The following ERC2 variants were observed in gnomAD, a reference collection of about 807,000 sequenced individuals.
ERC2 encodes the protein ERC protein 2.
In ERC2, 42 loss-of-function variants were observed where a neutral mutation model predicts 114.8. That is an observed-to-expected ratio of 0.37 (90% CI 0.29 to 0.47). The LOEUF is 0.47. Among genes scored for constraint, ERC2 ranks in the 20% least tolerant of loss-of-function variants. The pLI is 0.99. For synonymous variants in ERC2, 454 were observed against 425.5 expected, an observed-to-expected ratio of 1.07 and a Z score of -0.82; for missense variants, 939 against 1,150.7, an observed-to-expected ratio of 0.82 and a Z score of 2.66.
intron 5 of ERC2, among the ~76,000 whole-genome samples, chr3:56,146,157 G>A (rs2081120543): frequency 2.0e-5 from 3 of 152,010 alleles, no homozygotes; most frequent in South Asian, 2.1e-4. Flanking sequence ...GCATGGTGGT[G>A]TGCACCTGTA....
At chr3:56,029,337 CT>C (rs1384019001) in intron 7 of ERC2, among the ~76,000 whole-genome samples, 1 of 151,426 alleles carries the variant, frequency 6.6e-6, no homozygotes, top group Non-Finnish European at 1.5e-5. Context: ...CAAAGAGTTA[CT>C]GCCATCATAA....
Position 55,835,791 on chromosome 3 carries a change from T to C in ERC2, c.2564+52598A>G, listed in dbSNP as rs1452792313. Among the ~76,000 whole-genome samples the C allele has an allele frequency of 6.6e-5, 10 of 152,086 alleles. No individual in the cohort carries two copies. The South Asian group carries it at 2.1e-3, about 32-fold the overall frequency. On this transcript the variant is annotated intron_variant, in intron 14 of 17. Transcript: ENST00000288221. ...GAGAAGGAAATAAAGGGTATTCAAT[T>C]AGGAAAAGAGGAAGTCAGATTGTCC...
intron 14 of ERC2, among the ~76,000 whole-genome samples, chr3:55,820,500 A>G (rs1025730171): frequency 1.3e-5 from 2 of 152,226 alleles, no homozygotes; most frequent in Non-Finnish European, 2.9e-5. Context: ...CAAAATTTTA[A>G]TAACAACACT....
intron 17 of ERC2, among the ~76,000 whole-genome samples, chr3:55,633,713 G>A (rs1291255565): frequency 6.6e-6 from 1 of 152,190 alleles, no homozygotes; most frequent in African/African-American, 2.4e-5. Context: ...TGGGTGAAAT[G>A]TTTGCCTTTA....
At chr3:55,722,218 G>T (rs1207402398) in intron 15 of ERC2, among the ~76,000 whole-genome samples, 1 of 132,932 alleles carries the variant, frequency 7.5e-6, no homozygotes, top group African/African-American at 3.0e-5. Context: ...GAATGGGGTT[G>T]GGTTGTTGTA....
chr3:56,156,447 G>A (rs1560273366), intron 4 of ERC2, among the ~76,000 whole-genome samples: 1 of 152,246 alleles, frequency 6.6e-6, no homozygotes, highest in East Asian at 1.9e-4. Flanking sequence ...ATCCCCACAA[G>A]ACGGACACCT....
chr3:55,981,042 C>A (rs2070088774), intron 12 of ERC2, among the ~76,000 whole-genome samples: 1 of 152,208 alleles, frequency 6.6e-6, no homozygotes, highest in South Asian at 2.1e-4. Flanking sequence ...GGAGCTGGCT[C>A]AGCAAAACAT....
At chr3:55,757,049 G>A (rs1216357050) in intron 14 of ERC2, among the ~76,000 whole-genome samples, 1 of 152,096 alleles carries the variant, frequency 6.6e-6, no homozygotes, top group Non-Finnish European at 1.5e-5. Context: ...AACACTCCAT[G>A]CTGAACTAAA....
At chr3:55,531,402 C>T (rs1171203066) in intron 17 of ERC2, among the ~76,000 whole-genome samples, 2 of 152,144 alleles carry the variant, frequency 1.3e-5, no homozygotes, top group Non-Finnish European at 2.9e-5. Context: ...GGAAGCTGAT[C>T]CTTCCCCATG....
intron 17 of ERC2, among the ~76,000 whole-genome samples, chr3:55,624,497 A>C (rs1290754406): frequency 6.6e-6 from 1 of 152,156 alleles, no homozygotes; most frequent in Admixed American, 6.5e-5. Flanking sequence ...TGCTGAGAGG[A>C]CAGAGAGGAA....
intron 3 of ERC2, among the ~76,000 whole-genome samples, chr3:56,212,754 G>A (rs933238748): frequency 2.6e-5 from 4 of 151,640 alleles, no homozygotes; most frequent in African/African-American, 9.7e-5. Flanking sequence ...ATATATGTGT[G>A]TGTGTGTGTG....
chr3:55,994,622 C>A (rs2071347924), intron 10 of ERC2, among the ~76,000 whole-genome samples: 1 of 109,130 alleles, frequency 9.2e-6, no homozygotes, highest in African/African-American at 3.5e-5. Flanking sequence ...ATTTGATTTT[C>A]ATTGACAAGA....
intron 14 of ERC2, 40 bp from the exon 15 acceptor site, chr3:55,734,958 A>G (rs2065530533): frequency 5.1e-6 from 5 of 983,374 alleles, no homozygotes; most frequent in Non-Finnish European, 6.8e-6. Context: ...TTTGTAAAAT[A>G]AAAAAAAAAA....
chr3:55,566,513 C>T (rs1469745548), intron 17 of ERC2, among the ~76,000 whole-genome samples: 23 of 152,094 alleles, frequency 1.5e-4, no homozygotes, highest in Non-Finnish European at 1.6e-4. Context: ...CTCACTGCTA[C>T]CTCCACCTCC....
At chr3:56,090,922 C>A (rs1576893026) in intron 6 of ERC2, among the ~76,000 whole-genome samples, 1 of 152,062 alleles carries the variant, frequency 6.6e-6, no homozygotes, top group Admixed American at 6.6e-5. Context: ...TTCACTAAAA[C>A]AAATCTACTT....
intron 8 of ERC2, among the ~76,000 whole-genome samples, chr3:56,014,746 T>A (rs1458963089): frequency 1.3e-5 from 2 of 152,182 alleles, no homozygotes; most frequent in Admixed American, 1.3e-4. Flanking sequence ...ATATGGTATA[T>A]GTTTACTTCT....
chr3:56,020,122 G>T (rs912978565), intron 7 of ERC2, among the ~76,000 whole-genome samples: 5 of 152,132 alleles, frequency 3.3e-5, no homozygotes, highest in African/African-American at 7.2e-5. Context: ...GACAATGGAG[G>T]TGGCAGCAGT....
rs138578074 is a variant in ERC2 at position 56,199,108 on chromosome 3, G to T, written c.1075-25588C>A. Among the ~76,000 whole-genome samples, 27 of 152,306 alleles carry T rather than the reference G, an allele frequency of 1.8e-4. No individual in the cohort carries two copies. In the East Asian group the frequency reaches 4.6e-3, roughly 26 times the overall value. ...AAGACATGGTACCTATGCATGATCT[G>T]TTGGGTAAGGCAGCTGAAAACAAGG... On this transcript the variant is annotated intron_variant, in intron 3 of 17. Coordinates refer to ENST00000288221, the MANE Select transcript of ERC2 (RefSeq NM_015576.3).
intron 2 of ERC2, among the ~76,000 whole-genome samples, chr3:56,344,061 A>C (rs1053910955): frequency 7.9e-5 from 12 of 152,222 alleles, no homozygotes; most frequent in African/African-American, 2.9e-4. Context: ...TTATCAGAGT[A>C]AACAGGCAGA....
Sources: allele counts gnomAD v4.1 joint callset (sites outside exome capture counted in the v4.1 genomes callset), GRCh38; gene constraint gnomAD v4.1.1; transcripts MANE v1.5; gene names NCBI Gene and HGNC (gene_info 2026-07-23, HGNC 2026-07-21).